ZNF804B: variants seen among roughly 807,000 people sequenced by gnomAD.
ZNF804B encodes the protein zinc finger protein 804B, also known as zinc finger 804B.
In ZNF804B, 80 loss-of-function variants were observed where a neutral mutation model predicts 101.4. That is an observed-to-expected ratio of 0.79 (90% CI 0.66 to 0.95). The LOEUF is 0.95. Among genes scored for constraint, ZNF804B ranks in the 40% least tolerant of loss-of-function variants. The pLI, the probability that ZNF804B is intolerant of heterozygous loss-of-function variation, is 0.00. For missense variants in ZNF804B, 1,673 were observed against 1,561.9 expected (o/e 1.07, Z -1.20); for synonymous variants, 622 against 558.8 (o/e 1.11, Z -1.59).
intron 1 of ZNF804B, among the ~76,000 whole-genome samples, chr7:88,913,994 T>G (rs1562830478): frequency 6.6e-6 from 1 of 152,128 alleles, no homozygotes; most frequent in Non-Finnish European, 1.5e-5. Flanking sequence ...AAACGGAAAC[T>G]GAACCAAAAG....
At chr7:89,095,527 G>C (rs1789959434) in intron 1 of ZNF804B, among the ~76,000 whole-genome samples, 1 of 152,158 alleles carries the variant, frequency 6.6e-6, no homozygotes, top group African/African-American at 2.4e-5. Context: ...ATTTGGATTA[G>C]TGATTATGTA....
At chr7:88,824,483 C>A (rs1379779986) in intron 1 of ZNF804B, among the ~76,000 whole-genome samples, 1 of 152,170 alleles carries the variant, frequency 6.6e-6, no homozygotes, top group African/African-American at 2.4e-5. Flanking sequence ...AAACCTCTTT[C>A]TTTTGTGAGT....
chr7:88,774,028 A>G (rs576826122), intron 1 of ZNF804B, among the ~76,000 whole-genome samples: 34 of 152,168 alleles, frequency 2.2e-4, no homozygotes, highest in African/African-American at 7.9e-4. Flanking sequence ...AGAAAAAAGA[A>G]AAAAGTGAGG....
chr7:89,243,425 T>A (rs923760290), intron 2 of ZNF804B, among the ~76,000 whole-genome samples: 1 of 151,804 alleles, frequency 6.6e-6, no homozygotes, highest in African/African-American at 2.4e-5. Context: ...CAGACCAGAA[T>A]GCACCATTCT....
Position 89,167,976 on chromosome 7 carries a change from C to A in ZNF804B, c.109-50179C>A, listed in dbSNP as rs73395246. Among the ~76,000 whole-genome samples, 627 of 152,054 alleles carry A rather than the reference C, an allele frequency of 4.1e-3. 6 individuals carry two copies. The highest frequency in any genetic ancestry group is 0.014 in the African/African-American group (598 of 41,492). ...AAGATTTAATAATATCATACAATAT[C>A]TATTTCAACAGAAATAGTACATTGT... is the stretch of plus-strand genomic sequence containing the variant. On this transcript the variant is annotated intron_variant, in intron 1 of 3. Transcript: ENST00000333190.
intron 1 of ZNF804B, among the ~76,000 whole-genome samples, chr7:89,086,161 C>T (rs1789797671): frequency 6.6e-6 from 1 of 151,878 alleles, no homozygotes; most frequent in Admixed American, 6.6e-5. Flanking sequence ...ATTTAATTTA[C>T]AAGCAATAGG....
At chr7:89,156,070 TTC>T (rs1242442036) in intron 1 of ZNF804B, among the ~76,000 whole-genome samples, 1 of 91,354 alleles carries the variant, frequency 1.1e-5, no homozygotes, top group African/African-American at 3.9e-5. Flanking sequence ...CTTTCTTTCT[TTC>T]TCTCTTTCTC....
At chr7:89,118,370 C>T (rs1477362019) in intron 1 of ZNF804B, among the ~76,000 whole-genome samples, 3 of 152,088 alleles carry the variant, frequency 2.0e-5, no homozygotes, top group African/African-American at 7.2e-5. Context: ...GTGAGATAAT[C>T]TCCATAGTTT....
chr7:88,804,992 A>T (rs1790662787), intron 1 of ZNF804B, among the ~76,000 whole-genome samples: 1 of 152,184 alleles, frequency 6.6e-6, no homozygotes, highest in Non-Finnish European at 1.5e-5. Context: ...AATATTTCAC[A>T]CTAGAGTATT....
At chr7:89,289,243 T>A (rs1341904027) in intron 2 of ZNF804B, among the ~76,000 whole-genome samples, 1 of 152,104 alleles carries the variant, frequency 6.6e-6, no homozygotes, top group Admixed American at 6.6e-5. Flanking sequence ...CAGTTGTCGT[T>A]ACGTTAAATA....
At chr7:89,249,657 A>T (rs1037368973) in intron 2 of ZNF804B, among the ~76,000 whole-genome samples, 3 of 152,334 alleles carry the variant, frequency 2.0e-5, no homozygotes, top group African/African-American at 4.8e-5. Context: ...GGAAATTTAC[A>T]GTGCTAAATG....
chr7:89,277,171 G>C (rs999829471), intron 2 of ZNF804B, among the ~76,000 whole-genome samples: 4 of 148,688 alleles, frequency 2.7e-5, no homozygotes, highest in Non-Finnish European at 5.9e-5. Flanking sequence ...GTTATATATA[G>C]ATACAAAATT....
intron 1 of ZNF804B, among the ~76,000 whole-genome samples, chr7:89,029,949 T>G (rs1788804558): frequency 6.6e-6 from 1 of 152,162 alleles, no homozygotes; most frequent in African/African-American, 2.4e-5. Flanking sequence ...AAATCTGATA[T>G]ATAAAGAGTC....
intron 1 of ZNF804B, among the ~76,000 whole-genome samples, chr7:88,880,880 G>A (rs1792020045): frequency 6.6e-6 from 1 of 151,874 alleles, no homozygotes; most frequent in African/African-American, 2.4e-5. Context: ...TAATTTAATG[G>A]CTAGTGAACA....
At chr7:88,954,294 T>C (rs1041278151) in intron 1 of ZNF804B, among the ~76,000 whole-genome samples, 1 of 151,756 alleles carries the variant, frequency 6.6e-6, no homozygotes, top group African/African-American at 2.4e-5. Context: ...TTAGCCAAAA[T>C]AGGAATGTGA....
chr7:89,074,567 T>C (rs1562877268), intron 1 of ZNF804B, among the ~76,000 whole-genome samples: 1 of 152,226 alleles, frequency 6.6e-6, no homozygotes, highest in Non-Finnish European at 1.5e-5. Flanking sequence ...TCCCATGCCA[T>C]GTGGAACTAT....
rs184840492 is a variant in ZNF804B at position 88,878,015 on chromosome 7, G to A, written c.108+117931G>A. Reference sequence around the variant, plus strand: ...AAAAATACTATTGTAAAAAAGATGCGGTTAAATCATCATTGGCCATTGCAA... The same window carrying A: ...AAAAATACTATTGTAAAAAAGATGCAGTTAAATCATCATTGGCCATTGCAA... On this transcript the variant is annotated intron_variant, in intron 1 of 3. Transcript: ENST00000333190. Among the ~76,000 whole-genome samples the A allele has an allele frequency of 4.0e-3, 604 of 152,110 alleles. 7 individuals are homozygous for A. The highest frequency in any genetic ancestry group is 4.9e-3 in the Non-Finnish European group (333 of 67,958).
At chr7:88,995,870 A>G (rs1243474942) in intron 1 of ZNF804B, among the ~76,000 whole-genome samples, 1 of 152,050 alleles carries the variant, frequency 6.6e-6, no homozygotes, top group Non-Finnish European at 1.5e-5. Flanking sequence ...TTATAACCCT[A>G]GCTTAATCAT....
At chr7:89,131,565 A>G (rs1408622417) in intron 1 of ZNF804B, among the ~76,000 whole-genome samples, 1 of 151,952 alleles carries the variant, frequency 6.6e-6, no homozygotes, top group African/African-American at 2.4e-5. Context: ...AATGCACAAC[A>G]CCAAATTTGC....
Sources: allele counts gnomAD v4.1 joint callset (sites outside exome capture counted in the v4.1 genomes callset), GRCh38; gene constraint gnomAD v4.1.1; transcripts MANE v1.5; gene names NCBI Gene and HGNC (gene_info 2026-07-23, HGNC 2026-07-21).